COL24A1: variants seen among roughly 807,000 people sequenced by gnomAD.
The protein encoded by COL24A1 is collagen type XXIV alpha 1 chain, also known as collagen alpha-1(XXIV) chain.
A neutral mutation model predicts 253.9 loss-of-function variants in COL24A1; 224 were observed. The observed-to-expected ratio is 0.88, with a 90% CI of 0.79 to 0.99. The LOEUF (loss-of-function observed/expected upper bound fraction) is 0.99. Among genes scored for constraint, COL24A1 ranks in the 50% least tolerant of loss-of-function variants. The pLI is 0.00. For synonymous variants in COL24A1, 685 were observed against 673.7 expected (o/e 1.02, Z -0.26); for missense variants, 2,131 against 2,068.5 (o/e 1.03, Z -0.59).
chr1:86,094,333 TC>T (rs1475646666), intron 5 of COL24A1, among the ~76,000 whole-genome samples: 2 of 152,138 alleles, frequency 1.3e-5, no homozygotes, highest in Admixed American at 6.5e-5. Flanking sequence ...TGAGATCATG[TC>T]CTTTATAGGG....
chr1:85,986,932 C>T (rs111916827), intron 20 of COL24A1, among the ~76,000 whole-genome samples: 5 of 151,920 alleles, frequency 3.3e-5, no homozygotes, highest in African/African-American at 1.2e-4. Context: ...CATCAGCTTG[C>T]ATGGCAAATC....
At chr1:86,092,809 A>T (rs1260395192) in intron 5 of COL24A1, among the ~76,000 whole-genome samples, 1 of 151,994 alleles carries the variant, frequency 6.6e-6, no homozygotes, top group Admixed American at 6.6e-5. Context: ...CATAAAAAAG[A>T]TACCTCTAAT....
chr1:86,041,340 G>A (rs1241211781), intron 12 of COL24A1, among the ~76,000 whole-genome samples: 1 of 152,108 alleles, frequency 6.6e-6, no homozygotes, highest in Non-Finnish European at 1.5e-5. Context: ...AGTTTTCTAG[G>A]TGTTGTTGAA....
chr1:86,037,714 G>A (rs1699145832), intron 12 of COL24A1, among the ~76,000 whole-genome samples: 1 of 152,094 alleles, frequency 6.6e-6, no homozygotes, highest in Non-Finnish European at 1.5e-5. Context: ...CATGAAAACT[G>A]CAAGATAATA....
At chr1:85,813,690 A>T (rs1672795141) in intron 47 of COL24A1, among the ~76,000 whole-genome samples, 1 of 149,226 alleles carries the variant, frequency 6.7e-6, no homozygotes, top group Admixed American at 6.7e-5. Flanking sequence ...AGCTGGGACG[A>T]CAGGCGCCCG....
chr1:86,156,072 C>T (rs1338230387), intron 1 of COL24A1: 2 of 359,586 alleles, frequency 5.6e-6, no homozygotes, highest in Non-Finnish European at 1.0e-5. Flanking sequence ...CCCTGGACCT[C>T]GGGACTCGCG....
chr1:86,085,878 A>G (rs1315260178), intron 7 of COL24A1, among the ~76,000 whole-genome samples: 1 of 152,210 alleles, frequency 6.6e-6, no homozygotes, highest in South Asian at 2.1e-4. Context: ...AAGGGGAAAA[A>G]GAAAGAAGCA....
chr1:85,832,553 C>T (rs1570819984), intron 43 of COL24A1, among the ~76,000 whole-genome samples: 1 of 150,702 alleles, frequency 6.6e-6, no homozygotes, highest in African/African-American at 2.4e-5. Context: ...TCTTCCTACC[C>T]ATGAGCATGG....
chr1:85,747,534 C>T (rs1019491947), intron 55 of COL24A1, among the ~76,000 whole-genome samples: 7 of 152,008 alleles, frequency 4.6e-5, no homozygotes, highest in East Asian at 1.9e-4. Context: ...TAAAAATTAA[C>T]TATATTTTCC....
intron 43 of COL24A1, among the ~76,000 whole-genome samples, chr1:85,834,056 T>C (rs181115641): frequency 1.3e-5 from 2 of 151,950 alleles, no homozygotes; most frequent in African/African-American, 4.8e-5. Flanking sequence ...GCATGGCACA[T>C]GTATACATAT....
chr1:85,838,219 G>A lies in COL24A1; in HGVS notation c.3681+366C>T, dbSNP rs892743910. ...TGGATCCCACATTTTGTTGGGGGAA[G>A]ACAAACAATAAACAAGGAAACAAAT... is the stretch of plus-strand genomic sequence containing the variant. On this transcript the variant is annotated intron_variant, in intron 43 of 59. Transcript: ENST00000370571. Among the ~76,000 whole-genome samples, 63 of 152,024 alleles carry A rather than the reference G, an allele frequency of 4.1e-4. 1 individual carries two copies. The highest frequency in any genetic ancestry group is 4.6e-4 in the Admixed American group (7 of 15,274).
At position 86,148,046 on chromosome 1, in the gene COL24A1, T is replaced by G. The variant is rs1889852; in HGVS notation, c.57-1863A>C. Among the ~76,000 whole-genome samples, 259 of 152,140 alleles carry G rather than the reference T, an allele frequency of 1.7e-3. 2 individuals carry two copies. Among genetic ancestry groups the G allele is most frequent in the African/African-American group, 5.9e-3 (245 of 41,470 alleles). ...AAGTTCCTGGGTGTACTGACGCTAC[T>G]GATCTGGGACTACATTCTGAGGACC... On this transcript the variant is annotated intron_variant, in intron 1 of 59. Coordinates refer to ENST00000370571, the MANE Select transcript of COL24A1 (RefSeq NM_152890.7).
At chr1:85,842,453 G>C in intron 39 of COL24A1, 60 bp from the exon 40 acceptor site, 1 of 1,097,670 alleles carries the variant, frequency 9.1e-7, no homozygotes, top group Non-Finnish European at 1.4e-6. Flanking sequence ...TAAATCATTA[G>C]ACTTCTACTC....
chr1:85,777,319 T>G (rs1668646124), intron 52 of COL24A1, among the ~76,000 whole-genome samples: 1 of 152,132 alleles, frequency 6.6e-6, no homozygotes, highest in African/African-American at 2.4e-5. Flanking sequence ...TACCCAGTAT[T>G]AACAACCTGG....
chr1:86,067,519 A>C (rs1701582596), intron 7 of COL24A1, among the ~76,000 whole-genome samples: 1 of 152,242 alleles, frequency 6.6e-6, no homozygotes, highest in South Asian at 2.1e-4. Flanking sequence ...TGAGTGAATG[A>C]AAAGACTTGG....
chr1:85,997,055 G>GTA (rs59071699), intron 19 of COL24A1, among the ~76,000 whole-genome samples: 7,027 of 95,126 alleles, frequency 0.074, 550 homozygotes, highest in Middle Eastern at 0.14. Flanking sequence ...GTGTGTGTGT[G>GTA]TATATATATA....
Position 85,911,542 on chromosome 1 carries a change from A to G in COL24A1, c.2563-109T>C, listed in dbSNP as rs561257133. On this transcript the variant is annotated intron_variant, in intron 24 of 59. Transcript: ENST00000370571. Reference sequence around the variant, plus strand: ...TATGTTTCTTTCTAACTTATCCTAAATGTTATCTTGGAGTAAAATTCCTCC... The same window carrying G: ...TATGTTTCTTTCTAACTTATCCTAAGTGTTATCTTGGAGTAAAATTCCTCC... The G allele has an allele frequency of 2.7e-4, 243 of 903,668 alleles. No homozygotes were observed. In the African/African-American group the frequency reaches 3.8e-3, roughly 14 times the overall value. The allele number at this position is 903,668 out of a possible 1,614,324, so 56.0% of individuals were successfully genotyped here.
intron 20 of COL24A1, among the ~76,000 whole-genome samples, chr1:85,982,279 A>T: frequency 6.6e-6 from 1 of 152,130 alleles, no homozygotes; most frequent in East Asian, 1.9e-4. Context: ...GAGGGCAATG[A>T]GAAGCTGCTG....
chr1:85,824,957 T>C (rs572007727), intron 43 of COL24A1, among the ~76,000 whole-genome samples: 34 of 151,114 alleles, frequency 2.2e-4, no homozygotes, highest in Non-Finnish European at 4.1e-4. Flanking sequence ...AGTTTTAGGG[T>C]ACATGTGCAC....
Sources: allele counts gnomAD v4.1 joint callset (sites outside exome capture counted in the v4.1 genomes callset), GRCh38; gene constraint gnomAD v4.1.1; transcripts MANE v1.5; gene names NCBI Gene and HGNC (gene_info 2026-07-23, HGNC 2026-07-21).